LEKR1: variants seen among roughly 807,000 people sequenced by gnomAD.
LEKR1 encodes the protein leucine, glutamate and lysine rich 1.
A neutral mutation model predicts 72.4 loss-of-function variants in LEKR1; 59 were observed. The observed-to-expected ratio is 0.82, with a 90% CI of 0.66 to 1.01. The LOEUF (loss-of-function observed/expected upper bound fraction) is 1.01, where lower values mean the gene tolerates loss of function less well. LEKR1 is among the 50% of genes least tolerant of loss of function. LEKR1 has a pLI of 0.00. For synonymous variants in LEKR1, 257 were observed against 263.2 expected, an observed-to-expected ratio of 0.98 and a Z score of 0.23; for missense variants, 728 against 759.2, an observed-to-expected ratio of 0.96 and a Z score of 0.48.
rs148596411 is a variant in LEKR1 at position 156,964,907 on chromosome 3, G to A, written c.746-14287G>A. 1.2e-4 allele frequency among the ~76,000 whole-genome samples: 18 copies of A among 152,040 alleles called. No homozygotes were observed. The East Asian group carries it at 1.7e-3, about 15-fold the overall frequency. ...TAACTTACTTTATTATTAACCCTACGTCTTTTCTTCTTTATTCCCTAAATG... is the reference window on the plus strand; with the variant it reads ...TAACTTACTTTATTATTAACCCTACATCTTTTCTTCTTTATTCCCTAAATG... On this transcript the variant is annotated intron_variant, in intron 6 of 12. Transcript: ENST00000356539.
intron 3 of LEKR1, among the ~76,000 whole-genome samples, chr3:156,915,394 C>G (rs2108570342): frequency 6.6e-6 from 1 of 151,694 alleles, no homozygotes; most frequent in Admixed American, 6.6e-5. Context: ...ATTTCCTTTT[C>G]TACATAACCT....
chr3:157,036,297 G>C (rs927289149), intron 12 of LEKR1, among the ~76,000 whole-genome samples: 5 of 151,962 alleles, frequency 3.3e-5, no homozygotes, highest in African/African-American at 1.2e-4. Flanking sequence ...TATAAGGACT[G>C]AAATTTTAAA....
At chr3:156,953,522 A>G (rs1727359271) in intron 6 of LEKR1, among the ~76,000 whole-genome samples, 1 of 151,706 alleles carries the variant, frequency 6.6e-6, no homozygotes, top group Admixed American at 6.6e-5. Context: ...CCCCCAGTTG[A>G]CAGGCTCTAG....
rs1411736541 is a variant in LEKR1 at position 156,968,342 on chromosome 3, A to C, written c.746-10852A>C. Among the ~76,000 whole-genome samples the C allele has an allele frequency of 2.6e-5, 4 of 152,340 alleles. No homozygotes were observed. The East Asian group carries it at 5.8e-4, about 22-fold the overall frequency. On this transcript the variant is annotated intron_variant, in intron 6 of 12. Transcript: ENST00000356539. ...AGACACAGACTGGCAAATTGGATCA[A>C]GAGTCAAGACCCATCAGTGTGCTGT...
intron 6 of LEKR1, among the ~76,000 whole-genome samples, chr3:156,945,391 G>C (rs1726588350): frequency 6.6e-6 from 1 of 151,702 alleles, no homozygotes; most frequent in Non-Finnish European, 1.5e-5. Flanking sequence ...TTTGTTGATG[G>C]TTTCCTTTGC....
chr3:156,975,250 T>C (rs1378669977), intron 6 of LEKR1, among the ~76,000 whole-genome samples: 1 of 152,080 alleles, frequency 6.6e-6, no homozygotes, highest in Non-Finnish European at 1.5e-5. Flanking sequence ...TTGTTTTTCC[T>C]TGTCTTCAAT....
At chr3:156,951,909 C>A (rs1023676641) in intron 6 of LEKR1, among the ~76,000 whole-genome samples, 3 of 151,330 alleles carry the variant, frequency 2.0e-5, no homozygotes, top group Non-Finnish European at 4.4e-5. Context: ...GGTTGATTTG[C>A]TCTTTAATAG....
At chr3:156,967,047 A>G (rs1447618384) in intron 6 of LEKR1, among the ~76,000 whole-genome samples, 9 of 152,218 alleles carry the variant, frequency 5.9e-5, no homozygotes, top group South Asian at 2.1e-4. Context: ...GCAAACTCCA[A>G]CAGACCTGCA....
intron 2 of LEKR1, among the ~76,000 whole-genome samples, chr3:156,832,881 G>A (rs144473184): frequency 9.2e-5 from 14 of 152,282 alleles, no homozygotes; most frequent in African/African-American, 3.4e-4. Context: ...AAAATAATCA[G>A]TGTCTCCAGT....
At chr3:156,919,469 C>G (rs1401551144) in intron 3 of LEKR1, among the ~76,000 whole-genome samples, 1 of 152,162 alleles carries the variant, frequency 6.6e-6, no homozygotes, top group Non-Finnish European at 1.5e-5. Context: ...CTGAATTGTG[C>G]AGTGACTGGT....
intron 12 of LEKR1, among the ~76,000 whole-genome samples, chr3:157,035,101 G>A (rs1455177370): frequency 6.6e-6 from 1 of 152,136 alleles, no homozygotes; most frequent in African/African-American, 2.4e-5. Context: ...TTAAATTAAG[G>A]TATGTACATT....
At chr3:157,042,860 T>G (rs1413008124) in intron 12 of LEKR1, among the ~76,000 whole-genome samples, 2 of 152,182 alleles carry the variant, frequency 1.3e-5, no homozygotes, top group Non-Finnish European at 2.9e-5. Flanking sequence ...GTGATATTTT[T>G]ATACTAATTT....
At chr3:156,990,159 A>G (rs1188119748) in intron 7 of LEKR1, among the ~76,000 whole-genome samples, 2 of 152,064 alleles carry the variant, frequency 1.3e-5, no homozygotes, top group East Asian at 1.9e-4. Flanking sequence ...AACCCCTCAC[A>G]CTTTTTAAAA....
At position 156,919,081 on chromosome 3, in the gene LEKR1, A is replaced by G. The variant is rs1243844212; in HGVS notation, c.264-1494A>G. ...TTGTTAAAATACGAGAGAGAGGTGC[A>G]TGGCCACCGGCTTTCAGCCCATTGT... On this transcript the variant is annotated intron_variant, in intron 3 of 12. Transcript: ENST00000356539. 2.6e-5 allele frequency among the ~76,000 whole-genome samples: 4 copies of G among 152,194 alleles called. No homozygotes were observed. The East Asian group carries it at 7.7e-4, about 29-fold the overall frequency.
chr3:156,838,117 C>T (rs1713394093), intron 2 of LEKR1, among the ~76,000 whole-genome samples: 1 of 152,176 alleles, frequency 6.6e-6, no homozygotes, highest in Admixed American at 6.5e-5. Context: ...TCTGTTGGCC[C>T]GTGTTGTCTT....
intron 3 of LEKR1, among the ~76,000 whole-genome samples, chr3:156,903,363 A>G (rs1261320346): frequency 3.9e-5 from 6 of 151,976 alleles, no homozygotes; most frequent in Non-Finnish European, 7.4e-5. Flanking sequence ...CCTTAATTCC[A>G]TATTTTTTTC....
intron 9 of LEKR1, among the ~76,000 whole-genome samples, chr3:156,994,398 C>T (rs566832085): frequency 3.3e-5 from 5 of 152,236 alleles, no homozygotes; most frequent in African/African-American, 1.2e-4. Flanking sequence ...AGGCTTATCT[C>T]TCGTCCGTCC....
intron 12 of LEKR1, among the ~76,000 whole-genome samples, chr3:157,034,487 G>A (rs1378418486): frequency 6.6e-6 from 1 of 152,178 alleles, no homozygotes; most frequent in East Asian, 1.9e-4. Context: ...AATTAAAAGT[G>A]GAGTCTGAAG....
chr3:156,908,100 A>G (rs1449410256), intron 3 of LEKR1, among the ~76,000 whole-genome samples: 1 of 152,168 alleles, frequency 6.6e-6, no homozygotes, highest in Non-Finnish European at 1.5e-5. Context: ...TCAGTGCATC[A>G]TATCAGGGTG....
Sources: allele counts gnomAD v4.1 joint callset (sites outside exome capture counted in the v4.1 genomes callset), GRCh38; gene constraint gnomAD v4.1.1; transcripts MANE v1.5; gene names NCBI Gene and HGNC (gene_info 2026-07-23, HGNC 2026-07-21).